Variants in MTAP observed in about 807,000 individuals in gnomAD.
MTAP encodes S-methyl-5'-thioadenosine phosphorylase.
In MTAP, 33 loss-of-function variants were observed where a neutral mutation model predicts 33.6. The ratio of observed to expected loss-of-function variants is 0.98; its 90% CI spans 0.74 to 1.31. The LOEUF is 1.31. Among genes scored for constraint, MTAP ranks in the 40% most tolerant of loss-of-function variants. MTAP has a pLI of 0.00. For missense variants in MTAP, 367 were observed against 360.0 expected (o/e 1.02, Z -0.16); for synonymous variants, 148 against 125.7 (o/e 1.18, Z -1.19).
At chr9:21,839,072 A>T (rs1825179852) in intron 5 of MTAP, among the ~76,000 whole-genome samples, 1 of 152,200 alleles carries the variant, frequency 6.6e-6, no homozygotes, top group African/African-American at 2.4e-5. Context: ...AGTCTCAAAC[A>T]AGAATTTGGA....
chr9:21,865,848 T>C lies in MTAP; in HGVS notation c.*3834T>C, dbSNP rs1587261243. The C allele has an allele frequency of 8.7e-6, 8 of 922,046 alleles. No homozygotes were observed. The highest frequency in any genetic ancestry group is 1.0e-5 in the Non-Finnish European group (8 of 770,960). The allele number at this position is 922,046 out of a possible 1,614,324, so 57.1% of individuals were successfully genotyped here. On this transcript the variant is annotated 3_prime_UTR_variant, in exon 8 of 8. Coordinates refer to ENST00000644715, the MANE Select transcript of MTAP (RefSeq NM_002451.4). Reference sequence around the variant, plus strand: ...ATGCATCTGTAGCTTGTGCCTTTTTTATTGCCTAGTAGTATTCTGTCATAT... The same window carrying C: ...ATGCATCTGTAGCTTGTGCCTTTTTCATTGCCTAGTAGTATTCTGTCATAT...
intron 1 of MTAP, among the ~76,000 whole-genome samples, chr9:21,915,167 C>G (rs1352845126): frequency 2.0e-5 from 3 of 151,448 alleles, no homozygotes; most frequent in Non-Finnish European, 4.4e-5. Flanking sequence ...ACTGCAAGCT[C>G]CACCTCTGCC....
chr9:21,829,748 A>G (rs182918114), intron 4 of MTAP, among the ~76,000 whole-genome samples: 45 of 152,270 alleles, frequency 3.0e-4, no homozygotes, highest in African/African-American at 1.0e-3. Context: ...CTTTTCCTTC[A>G]GTGCCAGCAT....
intron 4 of MTAP, among the ~76,000 whole-genome samples, chr9:21,826,018 T>G (rs1206571211): frequency 6.6e-6 from 1 of 152,210 alleles, no homozygotes; most frequent in Non-Finnish European, 1.5e-5. Flanking sequence ...TCATTTAGTT[T>G]CCTTACGTAT....
chr9:21,825,723 C>A (rs1004745369), intron 4 of MTAP, among the ~76,000 whole-genome samples: 9 of 152,136 alleles, frequency 5.9e-5, no homozygotes, highest in Non-Finnish European at 5.9e-5. Flanking sequence ...CAGCCATTGT[C>A]CCAGATACTT....
At chr9:21,905,552 T>C (rs1035882295) in intron 1 of MTAP, among the ~76,000 whole-genome samples, 2 of 152,130 alleles carry the variant, frequency 1.3e-5, no homozygotes, top group African/African-American at 2.4e-5. Context: ...AAATATAAAA[T>C]TTTTTCACTA....
At chr9:21,902,232 T>A (rs1818404403) in intron 1 of MTAP, among the ~76,000 whole-genome samples, 1 of 152,218 alleles carries the variant, frequency 6.6e-6, no homozygotes, top group African/African-American at 2.4e-5. Flanking sequence ...TTCCTCCAGT[T>A]CCACAGATAC....
chr9:21,906,238 G>T (rs192458586), intron 1 of MTAP, among the ~76,000 whole-genome samples: 1 of 151,956 alleles, frequency 6.6e-6, no homozygotes, highest in Non-Finnish European at 1.5e-5. Context: ...TCCAAATAAG[G>T]ATAAGATGTC....
intron 1 of MTAP, among the ~76,000 whole-genome samples, chr9:21,811,288 G>T (rs778270664): frequency 8.5e-5 from 13 of 152,182 alleles, no homozygotes; most frequent in Non-Finnish European, 1.8e-4. Context: ...AAAATCTCCT[G>T]TAGCCAGGTA....
At chr9:21,886,277 C>A (rs1017674531) in intron 1 of MTAP, among the ~76,000 whole-genome samples, 2 of 151,926 alleles carry the variant, frequency 1.3e-5, no homozygotes, top group Non-Finnish European at 2.9e-5. Flanking sequence ...CTATTCATAT[C>A]CTTAGCCCAC....
chr9:21,846,987 T>G (rs187008211), intron 5 of MTAP, among the ~76,000 whole-genome samples: 193 of 152,296 alleles, frequency 1.3e-3, no homozygotes, highest in Non-Finnish European at 2.2e-3. Flanking sequence ...AGATTAACAT[T>G]GAGTCAGTGG....
At chr9:21,836,513 C>T (rs1215421737) in intron 4 of MTAP, among the ~76,000 whole-genome samples, 1 of 152,032 alleles carries the variant, frequency 6.6e-6, no homozygotes, top group Admixed American at 6.6e-5. Context: ...CTGTTCATAT[C>T]ATAGTTATAA....
intron 4 of MTAP, among the ~76,000 whole-genome samples, chr9:21,827,738 G>C (rs929299365): frequency 6.6e-6 from 1 of 152,186 alleles, no homozygotes; most frequent in African/African-American, 2.4e-5. Context: ...TTGAGGGCTT[G>C]AACATAGTCA....
chr9:21,914,523 T>C (rs1230211445), intron 1 of MTAP, among the ~76,000 whole-genome samples: 2 of 149,930 alleles, frequency 1.3e-5, no homozygotes, highest in African/African-American at 4.9e-5. Flanking sequence ...CAGCAAACTA[T>C]CACAAGGACA....
intron 1 of MTAP, chr9:21,809,073 G>GCA (rs1824280682): frequency 6.6e-6 from 1 of 152,288 alleles, no homozygotes; most frequent in South Asian, 2.1e-4. Flanking sequence ...GGAGGCACCA[G>GCA]CACTTCTTGG....
At chr9:21,901,916 C>G (rs1027902050) in intron 1 of MTAP, among the ~76,000 whole-genome samples, 1 of 152,272 alleles carries the variant, frequency 6.6e-6, no homozygotes. Flanking sequence ...AGTTTTCTAG[C>G]TGCTAGAAAT....
chr9:21,817,926 T>C (rs1285118525), intron 3 of MTAP, 109 bp from the exon 4 acceptor site: 19 of 1,068,702 alleles, frequency 1.8e-5, no homozygotes, highest in Non-Finnish European at 2.2e-5. Flanking sequence ...ACCCCCTGTG[T>C]TAGTCTGTGG....
chr9:21,804,447 C>CA (rs1824152843), intron 1 of MTAP, among the ~76,000 whole-genome samples: 2 of 152,184 alleles, frequency 1.3e-5, no homozygotes, highest in South Asian at 4.1e-4. Context: ...ATGGGATTCT[C>CA]AGAGACCTGA....
chr9:21,811,057 C>T (rs545702091), intron 1 of MTAP, among the ~76,000 whole-genome samples: 1 of 152,330 alleles, frequency 6.6e-6, no homozygotes, highest in South Asian at 2.1e-4. Flanking sequence ...TAAAGGACTG[C>T]AGTGCTCAGA....
Sources: gnomAD v4.1 joint callset for allele counts (sites outside exome capture counted in the v4.1 genomes callset) on GRCh38, gnomAD v4.1.1 for gene constraint, MANE v1.5 for transcripts, NCBI Gene and HGNC (gene_info 2026-07-23, HGNC 2026-07-21) for gene names.